NOTCH3: variants seen among roughly 807,000 people sequenced by gnomAD.
NOTCH3 encodes notch receptor 3.
NOTCH3 carries 86 observed loss-of-function variants against 213.3 expected under a neutral mutation model. The observed-to-expected ratio is 0.40, with a 90% CI of 0.34 to 0.48. The LOEUF (loss-of-function observed/expected upper bound fraction) is 0.48, where lower values mean the gene tolerates loss of function less well. Ranked by LOEUF, NOTCH3 falls within the 20% of genes least tolerant of loss-of-function variation. The probability of loss-of-function intolerance (pLI) is 0.57; values close to 1 mark genes in which losing one functional copy is unlikely to be tolerated. For synonymous variants in NOTCH3, 1,354 were observed against 1,355.9 expected (o/e 1.00, Z 0.03); for missense variants, 2,783 against 3,272.6 (o/e 0.85, Z 3.65).
At chr19:15,171,076 G>T (rs1225550366) in intron 25 of NOTCH3, among the ~76,000 whole-genome samples, 1 of 152,250 alleles carries the variant, frequency 6.6e-6, no homozygotes, top group Admixed American at 6.5e-5. Flanking sequence ...ACCGAGGCTG[G>T]AGTGCAGTGG....
At chr19:15,198,829 TGAACCTGG>T (rs1460007312) in intron 1 of NOTCH3, among the ~76,000 whole-genome samples, 1 of 151,964 alleles carries the variant, frequency 6.6e-6, no homozygotes, top group Non-Finnish European at 1.5e-5. Context: ...GAGAATCGCT[TGAACCTGG>T]GAAGCGGAGG....
chr19:15,180,967 C>T lies in NOTCH3; in HGVS notation c.2988G>A (p.Gln996=), dbSNP rs1392996045. The change falls in exon 18 of 33, where the codon CAG becomes CAA. Residue 996 remains glutamine (Q), a synonymous_variant. Coordinates refer to ENST00000263388, the MANE Select transcript of NOTCH3 (RefSeq NM_000435.3). ...CTCLESFTGP[Q]CQTLVDWCSR... Reference sequence around the variant, plus strand: ...CCCCAGTAACTCCACCCACCTGGCACTGCGGGCCCGTGAAGCTCTCGAGGC... The same window carrying T: ...CCCCAGTAACTCCACCCACCTGGCATTGCGGGCCCGTGAAGCTCTCGAGGC... 2.5e-6 allele frequency: 4 copies of T among 1,591,186 alleles called. No individual in the cohort carries two copies. In the South Asian group the frequency reaches 3.4e-5, roughly 14 times the overall value.
chr19:15,199,511 G>A (rs1237792628), intron 1 of NOTCH3, among the ~76,000 whole-genome samples: 1 of 152,146 alleles, frequency 6.6e-6, no homozygotes, highest in Non-Finnish European at 1.5e-5. Context: ...TGTGCAGGCA[G>A]CGTGTGTGCC....
At chr19:15,174,976 C>T (rs1461578177) in intron 24 of NOTCH3, among the ~76,000 whole-genome samples, 1 of 152,146 alleles carries the variant, frequency 6.6e-6, no homozygotes, top group Non-Finnish European at 1.5e-5. Context: ...ATCTCAAACT[C>T]CTGGACTCAA....
rs377094060 is a variant in NOTCH3 at position 15,189,290 on chromosome 19, A to G, written c.1175T>C (p.Val392Ala). ...GFTGGACDQD[V>A]DECSIGANPC... ...CCCCTCACCGATAGAGCACTCGTCC[A>G]CATCCTGGTCACATGCCCCACCCGT... The change falls in exon 7 of 33, where the codon GTG (valine) becomes GCG (alanine). Residue 392 changes from valine to alanine, a missense_variant. Coordinates refer to ENST00000263388, the MANE Select transcript of NOTCH3 (RefSeq NM_000435.3). 6.2e-7 allele frequency: 1 copy of G among 1,614,106 alleles called. No individual in the cohort carries two copies. Among genetic ancestry groups the G allele is most frequent in the Non-Finnish European group, 8.5e-7 (1 of 1,180,024 alleles).
rs2046766994 is a variant in NOTCH3, at chr19:15,174,166, G to A, written c.4638C>T (p.Arg1546=). 6.2e-7 allele frequency: 1 copy of A among 1,609,590 alleles called. No individual in the cohort carries two copies. The highest frequency in any genetic ancestry group is 1.3e-5 in the African/African-American group (1 of 74,880). ...SAILRTSLRF[R]LDAHGQAMVF... is the part of the protein sequence containing the mutation. Reference sequence around the variant, plus strand: ...CCATGGCCTGGCCGTGCGCGTCCAGGCGGAAGCGCAGCGAGGTGCGCAGGA... The same window carrying A: ...CCATGGCCTGGCCGTGCGCGTCCAGACGGAAGCGCAGCGAGGTGCGCAGGA... Residue 1546 remains arginine, a synonymous_variant, in exon 25 of 33, where the codon CGC becomes CGT. Transcript: ENST00000263388.
Position 15,161,164 on chromosome 19 carries a change from C to T in NOTCH3, c.6464G>A (p.Gly2155Glu), listed in dbSNP as rs567953412. 48 of 1,539,228 alleles carry T rather than the reference C, an allele frequency of 3.1e-5. No individual in the cohort carries two copies. The Admixed American group carries it at 3.1e-4, about 10-fold the overall frequency. Residue 2155 changes from glycine to glutamate, a missense_variant, in exon 33 of 33, where the codon GGA becomes GAA. Physicochemically the swap from Gly to Glu is moderately conservative, Grantham distance 98 (BLOSUM62 -2). Coordinates refer to ENST00000263388, the MANE Select transcript of NOTCH3 (RefSeq NM_000435.3). ...CAGCAGGCCCAGGCTGAGTACACAT[C>T]CTCCAGGGGGCTGGCGCCCTAGACC... ...RAGLGRQPPG[G>E]CVLSLGLLNP...
At chr19:15,171,011 G>T (rs1007616951) in intron 25 of NOTCH3, among the ~76,000 whole-genome samples, 186 bp from the exon 26 acceptor site, 2 of 152,120 alleles carry the variant, frequency 1.3e-5, no homozygotes, top group African/African-American at 4.8e-5. Context: ...GTCTTGCTGT[G>T]GTCAGCAGTC....
rs1243104564 is a variant in NOTCH3 at position 15,161,302 on chromosome 19, C to T, written c.6326G>A (p.Arg2109Gln). The T allele has an allele frequency of 1.0e-5, 16 of 1,532,602 alleles. No individual in the cohort carries two copies. Among genetic ancestry groups the T allele is most frequent in the South Asian group, 2.5e-5 (2 of 81,544 alleles). The allele number at this position is 1,532,602 out of a possible 1,614,324, so 94.9% of individuals were successfully genotyped here. The part of the protein sequence containing the change: ...LSPVDSLDSP[R>Q]PFGGPPASPG... ...GGAAGCAGGGGGCCCACCGAAAGGC[C>T]GCGGGGAGTCCAGCGAGTCCACGGG... Residue 2109 changes from arginine (R) to glutamine (Q), a missense_variant, in exon 33 of 33, where the codon CGG becomes CAG. Physicochemically the swap from Arg to Gln is conservative, Grantham distance 43. Around this residue, in one of 6 missense-constraint regions of NOTCH3, gnomAD observed 441 missense variants for 432.1 expected, o/e 1.02. Coordinates refer to ENST00000263388, the MANE Select transcript of NOTCH3 (RefSeq NM_000435.3).
At chr19:15,199,388 G>T (rs2046993647) in intron 1 of NOTCH3, among the ~76,000 whole-genome samples, 1 of 152,156 alleles carries the variant, frequency 6.6e-6, no homozygotes. Context: ...GTGTTGGTGT[G>T]ACCTGTGTGT....
chr19:15,186,210 T>C (rs1217543034), intron 12 of NOTCH3, among the ~76,000 whole-genome samples: 3 of 152,138 alleles, frequency 2.0e-5, no homozygotes, highest in African/African-American at 7.2e-5. Context: ...GTGATCCTCA[T>C]GTCTCAGCCT....
At chr19:15,195,606 G>C (rs1456613150) in intron 2 of NOTCH3, among the ~76,000 whole-genome samples, 1 of 151,436 alleles carries the variant, frequency 6.6e-6, no homozygotes, top group East Asian at 2.0e-4. Context: ...CAGCGAAACA[G>C]GTCGGGGCAC....
intron 23 of NOTCH3, chr19:15,178,467 C>T (rs966352626): frequency 1.1e-5 from 5 of 446,292 alleles, no homozygotes; most frequent in Non-Finnish European, 2.1e-5. Flanking sequence ...TCACTGCAAC[C>T]TCCGCCTCCC....
Position 15,181,181 on chromosome 19 carries a change from G to A in NOTCH3, c.2793-19C>T. 6.2e-7 allele frequency: 1 copy of A among 1,606,086 alleles called. No individual in the cohort carries two copies. Among genetic ancestry groups the A allele is most frequent in the Non-Finnish European group, 8.5e-7 (1 of 1,176,696 alleles). ...GCAGGAGCTGGAGCGGAAGGAGTGG[G>A]AGGGAGGATCAGGCTCCGCCCCCTC... On this transcript the variant is annotated intron_variant, in intron 17 of 32. Coordinates refer to ENST00000263388, the MANE Select transcript of NOTCH3 (RefSeq NM_000435.3).
At chr19:15,173,962 C>T (rs987255168) in intron 25 of NOTCH3, 106 bp downstream of exon 25, 13 of 983,342 alleles carry the variant, frequency 1.3e-5, no homozygotes, top group Non-Finnish European at 1.9e-5. Flanking sequence ...GTGCTCCTGA[C>T]ATCTGGTGGG....
At chr19:15,174,011 T>A in intron 25 of NOTCH3, 57 bp downstream of exon 25, 1 of 1,390,104 alleles carries the variant, frequency 7.2e-7, no homozygotes, top group Non-Finnish European at 9.8e-7. Flanking sequence ...AAGACCTGGA[T>A]CAACAGCATC....
rs760688643 is a variant in NOTCH3, at chr19:15,165,321, C to T, written c.5815+47G>A. On this transcript the variant is annotated intron_variant, in intron 31 of 32. Coordinates refer to ENST00000263388, the MANE Select transcript of NOTCH3 (RefSeq NM_000435.3). This position sits in a 1 kb window ranked among gnomAD's most constrained non-coding sequence, Gnocchi z 4.7. ...TTTGCACCAACATGACCCTCAGGGC[C>T]CAGGTGACACCAACCCAGCTTAGAC... 12 of 1,589,084 alleles carry T rather than the reference C, an allele frequency of 7.6e-6. No individual in the cohort carries two copies. The highest frequency in any genetic ancestry group is 1.0e-5 in the Non-Finnish European group (12 of 1,169,750).
chr19:15,161,133 A>G lies in NOTCH3; in HGVS notation c.6495T>C (p.Pro2165=), dbSNP rs1420902596. 8 of 1,539,340 alleles carry G rather than the reference A, an allele frequency of 5.2e-6. No individual in the cohort carries two copies. The East Asian group carries it at 1.7e-4, about 33-fold the overall frequency. The part of the protein sequence containing the change: ...GCVLSLGLLN[P]VAVPLDWARL... ...GGGCCCAATCGAGGGGCACAGCCAC[A>G]GGGTTCAGCAGGCCCAGGCTGAGTA... The change falls in exon 33 of 33, where the codon CCT becomes CCC. Residue 2165 remains proline (P), a synonymous_variant. Transcript: ENST00000263388.
In NOTCH3 at chr19:15,167,318, C is replaced by T; in HGVS notation, c.5293G>A (p.Ala1765Thr). The change falls in exon 29 of 33, where the codon GCC (alanine) becomes ACC (threonine). Residue 1765 changes from alanine to threonine, a missense_variant. Ala to Thr is a moderately conservative substitution (Grantham distance 58). Transcript: ENST00000263388. ...CCCTGTGGTGGTGTCAGTGCCATGGCTGGTGCCACGCGGATGTCAGCAGCA... is the reference window on the plus strand; with the variant it reads ...CCCTGTGGTGGTGTCAGTGCCATGGTTGGTGCCACGCGGATGTCAGCAGCA... ...LVAADIRVAP[A>T]MALTPPQGDA... 1 of 1,613,502 alleles carries T rather than the reference C, an allele frequency of 6.2e-7. No individual in the cohort carries two copies. Among genetic ancestry groups the T allele is most frequent in the Non-Finnish European group, 8.5e-7 (1 of 1,180,020 alleles).
Sources: allele counts gnomAD v4.1 joint callset (sites outside exome capture counted in the v4.1 genomes callset), GRCh38; gene constraint gnomAD v4.1.1; regional missense constraint gnomAD v4.1.1; non-coding constraint Gnocchi (gnomAD v3.1); transcripts MANE v1.5; gene names NCBI Gene and HGNC (gene_info 2026-07-23, HGNC 2026-07-21).